Variants in PEX5L observed in about 807,000 individuals in gnomAD.
PEX5L encodes the protein peroxisomal biogenesis factor 5 like.
A neutral mutation model predicts 84.0 loss-of-function variants in PEX5L; 30 were observed. The observed-to-expected ratio is 0.36, with a 90% confidence interval of 0.27 to 0.48. The LOEUF is 0.48. Among genes scored for constraint, PEX5L ranks in the 20% least tolerant of loss-of-function variants. The probability of loss-of-function intolerance (pLI) is 0.99; values close to 1 mark genes in which losing one functional copy is unlikely to be tolerated. For synonymous variants in PEX5L, 270 were observed against 283.1 expected, an observed-to-expected ratio of 0.95 and a Z score of 0.46; for missense variants, 533 against 754.6, an observed-to-expected ratio of 0.71 and a Z score of 3.44.
At chr3:179,918,564 C>T (rs1420894369) in intron 2 of PEX5L, among the ~76,000 whole-genome samples, 2 of 152,110 alleles carry the variant, frequency 1.3e-5, no homozygotes, top group African/African-American at 4.8e-5. Context: ...GGGCAAAAAG[C>T]CTAAGTTTCA....
chr3:179,975,214 A>G (rs1186095055), intron 1 of PEX5L, among the ~76,000 whole-genome samples: 2 of 152,144 alleles, frequency 1.3e-5, no homozygotes, highest in African/African-American at 4.8e-5. Flanking sequence ...TTAAAAAAAG[A>G]AAAACAATAT....
At chr3:179,959,058 C>T (rs1781349391) in intron 2 of PEX5L, among the ~76,000 whole-genome samples, 1 of 48,712 alleles carries the variant, frequency 2.1e-5, no homozygotes, top group African/African-American at 4.5e-5. Context: ...AAAAACAAAA[C>T]CGAAAAAAAA....
chr3:179,941,798 G>A (rs777839111), intron 2 of PEX5L, among the ~76,000 whole-genome samples: 1 of 151,972 alleles, frequency 6.6e-6, no homozygotes, highest in African/African-American at 2.4e-5. Flanking sequence ...AGAGGTGGGC[G>A]GATCACGAGG....
At chr3:179,900,825 A>C (rs1426070912) in intron 2 of PEX5L, 1 of 788,300 alleles carries the variant, frequency 1.3e-6, no homozygotes, top group African/African-American at 1.7e-5. Context: ...ATACCCCATG[A>C]GCGTCACTGT....
rs1364044757 is a variant in PEX5L, at chr3:179,797,665, C to G, written c.*4163G>C. The G allele has an allele frequency of 1.4e-5, 2 of 144,678 alleles. No homozygotes were observed. Among genetic ancestry groups the G allele is most frequent in the Non-Finnish European group, 3.0e-5 (2 of 66,858 alleles). 9.0% of individuals were successfully genotyped at this position (144,678 alleles called of 1,614,324 possible). A position where few individuals can be genotyped will look rare whatever the true frequency, so the allele number is the denominator to read the frequency against. ...TAGTTCAAAACAGTTTAATTTCAAC[C>G]AGTTCTATAACTATTGAGATGATGA... On this transcript the variant is annotated 3_prime_UTR_variant, in exon 15 of 15. Transcript: ENST00000467460.
intron 8 of PEX5L, 28 bp from the exon 9 acceptor site, chr3:179,820,004 T>G (rs1727827886): frequency 6.2e-7 from 1 of 1,613,324 alleles, no homozygotes. Flanking sequence ...TGAATGGAGA[T>G]GGATTTAAGA....
chr3:179,870,954 A>G (rs1234939926), intron 7 of PEX5L, among the ~76,000 whole-genome samples: 1 of 152,006 alleles, frequency 6.6e-6, no homozygotes, highest in African/African-American at 2.4e-5. Flanking sequence ...GTGAGCTTCC[A>G]TTTTCTTTGT....
chr3:179,954,213 G>GT (rs368928775), intron 2 of PEX5L, among the ~76,000 whole-genome samples: 32 of 103,746 alleles, frequency 3.1e-4, no homozygotes, highest in African/African-American at 4.2e-4. Flanking sequence ...TCGGGGGGGG[G>GT]GGAAAAAGTC....
intron 2 of PEX5L, among the ~76,000 whole-genome samples, chr3:179,929,118 G>A (rs185613893): frequency 7.9e-5 from 12 of 152,190 alleles, no homozygotes; most frequent in Admixed American, 3.9e-4. Flanking sequence ...GAAAAGTACC[G>A]GCAAGGATTA....
At chr3:179,869,076 G>A (rs904344571) in intron 7 of PEX5L, among the ~76,000 whole-genome samples, 1 of 152,164 alleles carries the variant, frequency 6.6e-6, no homozygotes, top group East Asian at 1.9e-4. Context: ...CTATGTGAAT[G>A]GAAGCATTTG....
chr3:180,036,562 C>T lies in PEX5L; in HGVS notation c.21+17G>A, dbSNP rs758375348. 1.2e-6 allele frequency: 2 copies of T among 1,613,292 alleles called. No homozygotes were observed. Among genetic ancestry groups the T allele is most frequent in the South Asian group, 2.2e-5 (2 of 91,066 alleles). On this transcript the variant is annotated intron_variant, in intron 1 of 14. Transcript: ENST00000467460. ...TAGCCCCCAAGAATTCTCTCCAGCCCTATAGAAATGTCTTACCTGCATGTG... is the reference window on the plus strand; with the variant it reads ...TAGCCCCCAAGAATTCTCTCCAGCCTTATAGAAATGTCTTACCTGCATGTG...
intron 1 of PEX5L, among the ~76,000 whole-genome samples, chr3:180,034,600 A>G (rs1791735463): frequency 6.6e-6 from 1 of 152,168 alleles, no homozygotes; most frequent in South Asian, 2.1e-4. Flanking sequence ...TCAGATCATC[A>G]TACTATTGAA....
intron 1 of PEX5L, among the ~76,000 whole-genome samples, chr3:179,983,731 C>T (rs1338714942): frequency 6.6e-6 from 1 of 151,764 alleles, no homozygotes; most frequent in Non-Finnish European, 1.5e-5. Context: ...TCAAAGAAAA[C>T]AACCAATAAT....
At chr3:179,918,232 C>T (rs1015478019) in intron 2 of PEX5L, among the ~76,000 whole-genome samples, 1 of 152,160 alleles carries the variant, frequency 6.6e-6, no homozygotes, top group South Asian at 2.1e-4. Context: ...CCTCTACTAT[C>T]GCTAGGTTCT....
chr3:179,868,564 G>A (rs1305695779), intron 7 of PEX5L, among the ~76,000 whole-genome samples: 3 of 152,144 alleles, frequency 2.0e-5, no homozygotes, highest in East Asian at 3.9e-4. Context: ...GCTGTCTTTT[G>A]TTGGGGAAAT....
intron 8 of PEX5L, among the ~76,000 whole-genome samples, chr3:179,827,420 T>C (rs950073418): frequency 6.6e-6 from 1 of 152,124 alleles, no homozygotes; most frequent in Admixed American, 6.5e-5. Context: ...AAGAATCTGT[T>C]TGTGAGTGAG....
intron 2 of PEX5L, among the ~76,000 whole-genome samples, chr3:179,939,171 C>T (rs1344917729): frequency 3.9e-5 from 6 of 152,188 alleles, no homozygotes; most frequent in Non-Finnish European, 8.8e-5. Flanking sequence ...ATGGTCTTCA[C>T]TTTTGATTGA....
rs529081205 is a variant in PEX5L at position 179,947,761 on chromosome 3, C to T, written c.93+23833G>A. Among the ~76,000 whole-genome samples, 14 of 144,134 alleles carry T rather than the reference C, an allele frequency of 9.7e-5. No individual in the cohort carries two copies. In the South Asian group the frequency reaches 3.0e-3, roughly 31 times the overall value. The allele number at this position is 144,134 out of a possible 152,430, so 94.6% of individuals were successfully genotyped here. ...TCACTCTGTCGCCTAGGCTGGAGTG[C>T]AGTGGCATGATCTCCACTCACCGCA... On this transcript the variant is annotated intron_variant, in intron 2 of 14. Transcript: ENST00000467460.
At chr3:179,935,105 G>A (rs1425867787) in intron 2 of PEX5L, among the ~76,000 whole-genome samples, 1 of 148,626 alleles carries the variant, frequency 6.7e-6, no homozygotes, top group Non-Finnish European at 1.5e-5. Context: ...CAAAGGGGCA[G>A]AGGGGCAGAC....
Sources: gnomAD v4.1 joint callset for allele counts (sites outside exome capture counted in the v4.1 genomes callset) on GRCh38, gnomAD v4.1.1 for gene constraint, MANE v1.5 for transcripts, NCBI Gene and HGNC (gene_info 2026-07-23, HGNC 2026-07-21) for gene names.